SOCS2: variants seen among roughly 807,000 people sequenced by gnomAD.
SOCS2 encodes the protein suppressor of cytokine signaling 2.
Under a neutral mutation model 18.6 loss-of-function variants are expected in SOCS2, and 10 were observed. The observed-to-expected ratio is 0.54, with a 90% CI of 0.33 to 0.91. The LOEUF is 0.91. SOCS2 is among the 40% of genes least tolerant of loss of function. SOCS2 has a pLI of 0.02. For synonymous variants in SOCS2, 104 were observed against 104.0 expected, an observed-to-expected ratio of 1.00 and a Z score of 0.00; for missense variants, 231 against 247.2, an observed-to-expected ratio of 0.93 and a Z score of 0.44.
At chr12:93,588,183 A>G (rs571354210), downstream of SOCS2, among the ~76,000 whole-genome samples, 25 of 152,354 alleles carry the variant, frequency 1.6e-4, no homozygotes, top group Middle Eastern at 0.01. Context: ...TCACAGTAGA[A>G]TTAACAGAAG....
the SOCS2 span, among the ~76,000 whole-genome samples, chr12:93,613,230 T>C: frequency 2.0e-5 from 3 of 152,128 alleles, no homozygotes; most frequent in Non-Finnish European, 4.4e-5. Context: ...AAAGCTTCTG[T>C]ATAAATAGAA....
At chr12:93,622,132 T>C in the SOCS2 span, among the ~76,000 whole-genome samples, 3 of 152,276 alleles carry the variant, frequency 2.0e-5, no homozygotes, top group African/African-American at 7.2e-5. Flanking sequence ...TGGAGTTTTA[T>C]ACAAAAATCT....
At chr12:93,625,737 G>A in the SOCS2 span, among the ~76,000 whole-genome samples, 3 of 112,848 alleles carry the variant, frequency 2.7e-5, no homozygotes, top group Admixed American at 1.2e-4. Flanking sequence ...AACAGGGTGA[G>A]ACCATCTCAA....
At chr12:93,625,640 C>T in the SOCS2 span, among the ~76,000 whole-genome samples, 1 of 149,222 alleles carries the variant, frequency 6.7e-6, no homozygotes, top group Non-Finnish European at 1.5e-5. Flanking sequence ...CTTAGCTACT[C>T]GGGAGGCTGA....
At chr12:93,581,917 C>T (rs1225522566) in intron 1 of SOCS2, among the ~76,000 whole-genome samples, 2 of 152,190 alleles carry the variant, frequency 1.3e-5, no homozygotes, top group African/African-American at 4.8e-5. Context: ...ATGTATGACC[C>T]TCATTTATTC....
At chr12:93,598,799 T>C in the SOCS2 span, among the ~76,000 whole-genome samples, 3 of 152,230 alleles carry the variant, frequency 2.0e-5, no homozygotes. Flanking sequence ...CAAAGCATCC[T>C]TACATAGAGA....
chr12:93,615,309 G>T, the SOCS2 span, among the ~76,000 whole-genome samples: 2 of 152,180 alleles, frequency 1.3e-5, no homozygotes, highest in Non-Finnish European at 2.9e-5. Context: ...CATCATAATT[G>T]TTGGTTGAGT....
chr12:93,585,864 A>G (rs1192339525), downstream of SOCS2, among the ~76,000 whole-genome samples: 3 of 152,152 alleles, frequency 2.0e-5, no homozygotes, highest in African/African-American at 7.2e-5. Context: ...GAAGATGCTT[A>G]AATCTCTTAT....
At chr12:93,598,274 G>A in the SOCS2 span, among the ~76,000 whole-genome samples, 1 of 152,202 alleles carries the variant, frequency 6.6e-6, no homozygotes, top group East Asian at 1.9e-4. Flanking sequence ...CAAGCACAAT[G>A]TGGCTGGAAC....
the SOCS2 span, among the ~76,000 whole-genome samples, chr12:93,602,392 G>A: frequency 7.9e-5 from 12 of 152,116 alleles, no homozygotes; most frequent in African/African-American, 2.9e-4. Context: ...CACTGTCACT[G>A]GCCAATCCTC....
the SOCS2 span, among the ~76,000 whole-genome samples, chr12:93,591,297 C>T: frequency 2.7e-5 from 4 of 149,164 alleles, no homozygotes; most frequent in Admixed American, 6.7e-5. Flanking sequence ...GCCCGAGATA[C>T]TGGAAGCGAC....
chr12:93,589,474 TGGTG>T, the SOCS2 span, among the ~76,000 whole-genome samples: 1 of 152,192 alleles, frequency 6.6e-6, no homozygotes, highest in East Asian at 1.9e-4. Context: ...AGTTTAGTGA[TGGTG>T]GGTTAAATAA....
chr12:93,617,754 C>T, the SOCS2 span, among the ~76,000 whole-genome samples: 1 of 152,022 alleles, frequency 6.6e-6, no homozygotes, highest in African/African-American at 2.4e-5. Context: ...TTGGGAAAGA[C>T]TGAAGTATTG....
At chr12:93,614,529 TTCCTTCCTTCC>T in the SOCS2 span, among the ~76,000 whole-genome samples, 3 of 93,196 alleles carry the variant, frequency 3.2e-5, no homozygotes, top group Admixed American at 2.6e-4. Context: ...CCTTCCTTCC[TTCCTTCCTTCC>T]TTCTTTCTTT....
At chr12:93,606,267 T>TCAGCCA in the SOCS2 span, among the ~76,000 whole-genome samples, 1 of 152,140 alleles carries the variant, frequency 6.6e-6, no homozygotes, top group South Asian at 2.1e-4. Context: ...AAAATTGGGG[T>TCAGCCA]TCTATTCCTG....
downstream of SOCS2, among the ~76,000 whole-genome samples, chr12:93,587,188 A>G (rs1382609230): frequency 2.0e-5 from 3 of 151,932 alleles, no homozygotes; most frequent in African/African-American, 7.3e-5. Context: ...AAAACAAAAA[A>G]CATAGTCCCC....
At chr12:93,592,630 C>T in the SOCS2 span, among the ~76,000 whole-genome samples, 4 of 152,350 alleles carry the variant, frequency 2.6e-5, no homozygotes, top group Admixed American at 2.0e-4. Flanking sequence ...TTCTGTCTTT[C>T]AAGTTGTACA....
At chr12:93,596,271 CAT>C in the SOCS2 span, among the ~76,000 whole-genome samples, 60 of 152,338 alleles carry the variant, frequency 3.9e-4, no homozygotes, top group African/African-American at 1.4e-3. Flanking sequence ...CATGAAACCA[CAT>C]AGTCTGTTTA....
the SOCS2 span, among the ~76,000 whole-genome samples, chr12:93,608,465 C>T: frequency 1.3e-5 from 2 of 152,076 alleles, no homozygotes; most frequent in South Asian, 4.1e-4. Context: ...CTAGATGAGT[C>T]ATGGCTCATC....
Sources: gnomAD v4.1 joint callset for allele counts (sites outside exome capture counted in the v4.1 genomes callset) on GRCh38, gnomAD v4.1.1 for gene constraint, MANE v1.5 for transcripts, NCBI Gene and HGNC (gene_info 2026-07-23, HGNC 2026-07-21) for gene names.